The following ACOT7 variants were observed in gnomAD, a reference collection of about 807,000 sequenced individuals.
ACOT7 encodes cytosolic acyl coenzyme A thioester hydrolase.
In ACOT7, 12 loss-of-function variants were observed where a neutral mutation model predicts 40.2. The observed-to-expected ratio is 0.30, with a 90% CI of 0.19 to 0.48. ACOT7 has a LOEUF of 0.48. Ranked by LOEUF, ACOT7 falls within the 20% of genes least tolerant of loss-of-function variation. ACOT7 has a pLI of 0.99. For synonymous variants in ACOT7, 228 were observed against 219.5 expected, an observed-to-expected ratio of 1.04 and a Z score of -0.34; for missense variants, 395 against 530.8, an observed-to-expected ratio of 0.74 and a Z score of 2.51.
intron 6 of ACOT7, among the ~76,000 whole-genome samples, chr1:6,302,077 T>C (rs1344960272): frequency 6.6e-6 from 1 of 152,164 alleles, no homozygotes; most frequent in East Asian, 1.9e-4. Context: ...ATTATCAGAT[T>C]ATACCCCACA....
At chr1:6,304,918 C>T (rs1272953885) in intron 6 of ACOT7, among the ~76,000 whole-genome samples, 1 of 144,268 alleles carries the variant, frequency 6.9e-6, no homozygotes, top group African/African-American at 2.8e-5. Context: ...GGTACACCTC[C>T]CAGACAGGGT....
At position 6,306,608 on chromosome 1, in the gene ACOT7, A is replaced by T; in HGVS notation, c.713-11628T>A. ...CAAGATCCTAGAAGGCGAGTACTAGAAGGAATTTAACTGCAGCCTGTGCCA... is the reference window on the plus strand; with the variant it reads ...CAAGATCCTAGAAGGCGAGTACTAGTAGGAATTTAACTGCAGCCTGTGCCA... On this transcript the variant is annotated intron_variant, in intron 6 of 8. Transcript: ENST00000361521. The surrounding 1 kb of genome is among the most constrained non-coding windows in gnomAD (Gnocchi z 4.3). 1 of 985,402 alleles carries T rather than the reference A, an allele frequency of 1.0e-6. No homozygotes were observed. Among genetic ancestry groups the T allele is most frequent in the Non-Finnish European group, 1.2e-6 (1 of 829,914 alleles). 61.0% of individuals were successfully genotyped at this position (985,402 alleles called of 1,614,324 possible). A position where few individuals can be genotyped will look rare whatever the true frequency, so the allele number is the denominator to read the frequency against.
intron 1 of ACOT7, among the ~76,000 whole-genome samples, chr1:6,377,664 G>A (rs767200395): frequency 6.6e-6 from 1 of 152,204 alleles, no homozygotes. Flanking sequence ...ACACCAAAGT[G>A]TAGTATCAAA....
intron 1 of ACOT7, among the ~76,000 whole-genome samples, chr1:6,389,223 T>C (rs1029177318): frequency 6.6e-6 from 1 of 152,176 alleles, no homozygotes; most frequent in Non-Finnish European, 1.5e-5. Flanking sequence ...ACACAATTCC[T>C]GATCTCAGGA....
chr1:6,294,402 C>T lies in ACOT7; in HGVS notation c.829+462G>A, dbSNP rs991805980. 2.0e-5 allele frequency among the ~76,000 whole-genome samples: 3 copies of T among 152,232 alleles called. No homozygotes were observed. Among genetic ancestry groups the T allele is most frequent in the African/African-American group, 7.2e-5 (3 of 41,470 alleles). On this transcript the variant is annotated intron_variant, in intron 7 of 8. Coordinates refer to ENST00000361521, the MANE Select transcript of ACOT7 (RefSeq NM_007274.4). The surrounding 1 kb of genome is among the most constrained non-coding windows in gnomAD (Gnocchi z 4.6). ...ATTTTTGTGGTGGAGAAAAACCACCCAATGCCAGTGCTGCCCTGGGTGGCG... is the reference window on the plus strand; with the variant it reads ...ATTTTTGTGGTGGAGAAAAACCACCTAATGCCAGTGCTGCCCTGGGTGGCG...
At chr1:6,362,947 G>A (rs942336204) in intron 1 of ACOT7, among the ~76,000 whole-genome samples, 1 of 152,088 alleles carries the variant, frequency 6.6e-6, no homozygotes, top group African/African-American at 2.4e-5. Context: ...AAGCCATCCA[G>A]GTGCCGAGGC....
At chr1:6,349,663 C>T (rs572984485) in intron 2 of ACOT7, 86 bp downstream of exon 2, 10 of 1,320,902 alleles carry the variant, frequency 7.6e-6, no homozygotes, top group Middle Eastern at 2.4e-4. Flanking sequence ...GGGAAGGCTG[C>T]AGGCCTGGCT....
chr1:6,325,121 G>A (rs754902063), intron 5 of ACOT7, among the ~76,000 whole-genome samples: 9 of 152,218 alleles, frequency 5.9e-5, no homozygotes, highest in Non-Finnish European at 1.0e-4. Flanking sequence ...TATCTCAGCC[G>A]GGCGCAGTGG....
At position 6,289,392 on chromosome 1, in the gene ACOT7, G is replaced by A. The variant is rs1245575731; in HGVS notation, c.829+5472C>T. Among the ~76,000 whole-genome samples, 3 of 151,940 alleles carry A rather than the reference G, an allele frequency of 2.0e-5. No homozygotes were observed. Among genetic ancestry groups the A allele is most frequent in the Admixed American group, 1.3e-4 (2 of 15,256 alleles). On this transcript the variant is annotated intron_variant, in intron 7 of 8. Transcript: ENST00000361521. This position sits in a 1 kb window ranked among gnomAD's most constrained non-coding sequence, Gnocchi z 4.6. ...TGGGATTACAGGAGTGAGCCACCACGCCCAGCCTGTTTTTGTTTTTTAAAT... is the reference window on the plus strand; with the variant it reads ...TGGGATTACAGGAGTGAGCCACCACACCCAGCCTGTTTTTGTTTTTTAAAT...
chr1:6,365,958 G>A (rs1428871254), intron 1 of ACOT7, among the ~76,000 whole-genome samples: 6 of 150,782 alleles, frequency 4.0e-5, no homozygotes, highest in Admixed American at 2.0e-4. Context: ...GCAGTGGCAC[G>A]ATCTTGGCTC....
chr1:6,349,173 C>T (rs1641517834), intron 2 of ACOT7, among the ~76,000 whole-genome samples: 1 of 152,220 alleles, frequency 6.6e-6, no homozygotes, highest in Admixed American at 6.5e-5. Context: ...CACCGTGCCC[C>T]TTGTCCCCAG....
rs1639265550 is a variant in ACOT7 at position 6,278,520 on chromosome 1, G to A, written c.1014+2582C>T. Among the ~76,000 whole-genome samples, 1 of 152,204 alleles carries A rather than the reference G, an allele frequency of 6.6e-6. No homozygotes were observed. Among genetic ancestry groups the A allele is most frequent in the Non-Finnish European group, 1.5e-5 (1 of 68,040 alleles). On this transcript the variant is annotated intron_variant, in intron 8 of 8. Coordinates refer to ENST00000361521, the MANE Select transcript of ACOT7 (RefSeq NM_007274.4). This position sits in a 1 kb window ranked among gnomAD's most constrained non-coding sequence, Gnocchi z 4.1. ...AGCCAGCTGGGTTCCCAGACTTCCA[G>A]AGCAGCACAGAGGCGGAGAGGGATT...
In ACOT7 at chr1:6,270,096, G is replaced by C. The variant is rs3789511; in HGVS notation, c.1015-5401C>G. Among the ~76,000 whole-genome samples, 191 of 152,310 alleles carry C rather than the reference G, an allele frequency of 1.3e-3. 4 individuals are homozygous for C. The East Asian group carries it at 0.033, about 26-fold the overall frequency. ...TGCTGGTGGGCAGCCAGCCTCCCCA[G>C]GTCATGGCTTTGCTAAATAGTTCTC... On this transcript the variant is annotated intron_variant, in intron 8 of 8. Coordinates refer to ENST00000361521, the MANE Select transcript of ACOT7 (RefSeq NM_007274.4).
intron 8 of ACOT7, among the ~76,000 whole-genome samples, chr1:6,269,937 G>A (rs1053812426): frequency 6.6e-6 from 1 of 152,232 alleles, no homozygotes; most frequent in Non-Finnish European, 1.5e-5. Flanking sequence ...GCCCTTCCAG[G>A]GTGAAGGTTT....
In ACOT7 at chr1:6,274,172, T is replaced by A. The variant is rs2148369652; in HGVS notation, c.1014+6930A>T. On this transcript the variant is annotated intron_variant, in intron 8 of 8. Transcript: ENST00000361521. This position sits in a 1 kb window ranked among gnomAD's most constrained non-coding sequence, Gnocchi z 5.9. ...CATGGAAAGCTTGCCCCATGCTTCC[T>A]CCTAAGTGCAAAGGGGCGAGGGACC... 6.6e-6 allele frequency among the ~76,000 whole-genome samples: 1 copy of A among 152,234 alleles called. No homozygotes were observed.
At chr1:6,277,316 G>A (rs928236714) in intron 8 of ACOT7, among the ~76,000 whole-genome samples, 2 of 152,240 alleles carry the variant, frequency 1.3e-5, no homozygotes, top group African/African-American at 2.4e-5. Flanking sequence ...AGAGGGAACC[G>A]TCATTGGTGG....
rs997329852 is a variant in ACOT7, at chr1:6,331,469, C to T, written c.510+2008G>A. On this transcript the variant is annotated intron_variant, in intron 4 of 8. Coordinates refer to ENST00000361521, the MANE Select transcript of ACOT7 (RefSeq NM_007274.4). ...CCTCGCCTGGGGCCAATGGAGGGCG[C>T]AGGGCCTTGCCCATACCTTTGCACT... 5.3e-5 allele frequency among the ~76,000 whole-genome samples: 8 copies of T among 152,302 alleles called. 1 individual carries two copies. The highest frequency in any genetic ancestry group is 2.6e-4 in the Admixed American group (4 of 15,306).
chr1:6,296,059 C>G (rs1639802790), intron 6 of ACOT7, among the ~76,000 whole-genome samples: 1 of 152,026 alleles, frequency 6.6e-6, no homozygotes, highest in Non-Finnish European at 1.5e-5. Context: ...CACATGTTAC[C>G]ACACCTGGCT....
At chr1:6,386,733 C>T (rs1006645367) in intron 1 of ACOT7, among the ~76,000 whole-genome samples, 9 of 152,106 alleles carry the variant, frequency 5.9e-5, no homozygotes, top group Non-Finnish European at 7.4e-5. Flanking sequence ...GAGGCGTGCA[C>T]TCGTAGTCCC....
Sources: gnomAD v4.1 joint callset for allele counts (sites outside exome capture counted in the v4.1 genomes callset) on GRCh38, gnomAD v4.1.1 for gene constraint, Gnocchi (gnomAD v3.1) non-coding constraint, MANE v1.5 for transcripts, NCBI Gene and HGNC (gene_info 2026-07-23, HGNC 2026-07-21) for gene names.